ZNF746: variants seen among roughly 807,000 people sequenced by gnomAD.
ZNF746 encodes zinc finger protein 746.
Under a neutral mutation model 41.0 loss-of-function variants are expected in ZNF746, and 13 were observed. That is an observed-to-expected ratio of 0.32 (90% CI 0.21 to 0.50). The LOEUF (loss-of-function observed/expected upper bound fraction) is 0.50. Among genes scored for constraint, ZNF746 ranks in the 20% least tolerant of loss-of-function variants. ZNF746 has a pLI of 0.98. For missense variants in ZNF746, 811 were observed against 922.9 expected (o/e 0.88, Z 1.57); for synonymous variants, 424 against 396.2 (o/e 1.07, Z -0.83).
intron 1 of ZNF746, among the ~76,000 whole-genome samples, chr7:149,495,566 T>C (rs1800968350): frequency 6.6e-6 from 1 of 152,208 alleles, no homozygotes; most frequent in African/African-American, 2.4e-5. Context: ...GAGGAGCTCC[T>C]GGTATCGGGA....
intron 1 of ZNF746, among the ~76,000 whole-genome samples, chr7:149,496,493 GTC>G (rs748570886): frequency 1.3e-5 from 2 of 152,136 alleles, no homozygotes; most frequent in South Asian, 2.1e-4. Context: ...CCCCTTCTTA[GTC>G]TCTCTCTGCA....
intron 3 of ZNF746, among the ~76,000 whole-genome samples, chr7:149,493,502 A>C (rs35019389): frequency 0.35 from 53,148 of 152,112 alleles, 9,690 homozygotes; most frequent in East Asian, 0.5. Flanking sequence ...GGAGAAGAGC[A>C]GTAGCCCCAG....
At chr7:149,496,573 G>A (rs888566054) in intron 1 of ZNF746, among the ~76,000 whole-genome samples, 1 of 152,118 alleles carries the variant, frequency 6.6e-6, no homozygotes, top group African/African-American at 2.4e-5. Flanking sequence ...TTCTGTGCCT[G>A]CACACGCCCT....
chr7:149,472,878 A>G lies in ZNF746; in HGVS notation c.*1506T>C, dbSNP rs181527767. ...TTATATCAATATTAGAAGTGTAAAC[A>G]GGTACAAAATATACAGTACATAGAA... On this transcript the variant is annotated 3_prime_UTR_variant, in exon 7 of 7. Coordinates refer to ENST00000458143, the MANE Select transcript of ZNF746 (RefSeq NM_001394198.1). 211 of 152,768 alleles carry G rather than the reference A, an allele frequency of 1.4e-3. No individual in the cohort carries two copies. Among genetic ancestry groups the G allele is most frequent in the Non-Finnish European group, 5.3e-4 (36 of 68,024 alleles). The allele number at this position is 152,768 out of a possible 1,614,324, so 9.5% of individuals were successfully genotyped here.
chr7:149,475,205 A>G lies in ZNF746; in HGVS notation c.1162T>C (p.Trp388Arg). Residue 388 changes from tryptophan to arginine, a missense_variant, in exon 7 of 7, where the codon TGG becomes CGG. Coordinates refer to ENST00000458143, the MANE Select transcript of ZNF746 (RefSeq NM_001394198.1). ...VAQEETPPGD[W>R]LFGGVRWGWN... Reference sequence around the variant, plus strand: ...CCCCACCGGACCCCTCCGAAGAGCCAGTCCCCAGGAGGGGTCTCCTCCTGG... The same window carrying G: ...CCCCACCGGACCCCTCCGAAGAGCCGGTCCCCAGGAGGGGTCTCCTCCTGG... 1.2e-6 allele frequency: 2 copies of G among 1,612,910 alleles called. No homozygotes were observed. The highest frequency in any genetic ancestry group is 8.5e-7 in the Non-Finnish European group (1 of 1,179,806).
In ZNF746 at chr7:149,477,768, G is replaced by A; in HGVS notation, c.566-13C>T. On this transcript the variant is annotated splice_polypyrimidine_tract_variant and intron_variant, in intron 4 of 6. Coordinates refer to ENST00000458143, the MANE Select transcript of ZNF746 (RefSeq NM_001394198.1). ...GGGGGCCCCGAGCCTAGGAAAGGGA[G>A]TGAGTGTGAGGATACAGCATCACGG... The A allele has an allele frequency of 6.3e-7, 1 of 1,594,760 alleles. No individual in the cohort carries two copies. Among genetic ancestry groups the A allele is most frequent in the Non-Finnish European group, 8.6e-7 (1 of 1,167,634 alleles).
At chr7:149,490,192 T>C (rs1161060248) in intron 4 of ZNF746, 1 of 152,432 alleles carries the variant, frequency 6.6e-6, no homozygotes. Context: ...GCGTTTCTCT[T>C]TTAAAAAACG....
chr7:149,495,798 ACTAT>A (rs1183780904), intron 1 of ZNF746, among the ~76,000 whole-genome samples: 2 of 152,200 alleles, frequency 1.3e-5, no homozygotes, highest in Non-Finnish European at 2.9e-5. Flanking sequence ...TGCTTAAGAT[ACTAT>A]CTATTTGGAA....
At chr7:149,476,418 G>A (rs1228868875) in intron 6 of ZNF746, among the ~76,000 whole-genome samples, 5 of 150,320 alleles carry the variant, frequency 3.3e-5, no homozygotes, top group African/African-American at 9.8e-5. Flanking sequence ...TTGGCTATTA[G>A]CACGTTTTTT....
rs1001160563 is a variant in ZNF746, at chr7:149,477,139, T to TC, written c.758-93dup. 24 of 1,444,660 alleles carry TC rather than the reference T, an allele frequency of 1.7e-5. No individual in the cohort carries two copies. In the Admixed American group the frequency reaches 3.6e-4, roughly 21 times the overall value. 89.5% of individuals were successfully genotyped at this position (1,444,660 alleles called of 1,614,324 possible). A position where few individuals can be genotyped will look rare whatever the true frequency, so the allele number is the denominator to read the frequency against. ...GAGGAGAGCAGGCTAAACTCTGAGG[T>TC]CCCCCCACTGGGGGCTTTTCTGAGT... On this transcript the variant is annotated intron_variant, in intron 5 of 6. Coordinates refer to ENST00000458143, the MANE Select transcript of ZNF746 (RefSeq NM_001394198.1).
At position 149,474,798 on chromosome 7, in the gene ZNF746, G is replaced by C; in HGVS notation, c.1569C>G (p.Gly523=). ...CGCACTCCCCACACCGAAGGGCGCT[G>C]CCATCCCGTGCGCTGCCCCCACCGC... is the stretch of plus-strand genomic sequence containing the variant. The part of the protein sequence containing the change: ...GGSGGGSARD[G]SALRCGECGR... The change falls in exon 7 of 7, where the codon GGC becomes GGG. Residue 523 remains glycine (G), a synonymous_variant. Coordinates refer to ENST00000458143, the MANE Select transcript of ZNF746 (RefSeq NM_001394198.1). This position sits in a 1 kb window ranked among gnomAD's most constrained non-coding sequence, Gnocchi z 6.3. The C allele has an allele frequency of 6.6e-7, 1 of 1,525,160 alleles. No individual in the cohort carries two copies. Among genetic ancestry groups the C allele is most frequent in the Non-Finnish European group, 8.8e-7 (1 of 1,139,780 alleles). 94.5% of individuals were successfully genotyped at this position (1,525,160 alleles called of 1,614,324 possible). A position where few individuals can be genotyped will look rare whatever the true frequency, so the allele number is the denominator to read the frequency against.
intron 4 of ZNF746, among the ~76,000 whole-genome samples, chr7:149,479,027 T>C (rs540337221): frequency 6.6e-6 from 1 of 152,200 alleles, no homozygotes; most frequent in African/African-American, 2.4e-5. Context: ...TTAAGAGACC[T>C]GGAGGACAGA....
chr7:149,483,169 A>G (rs1263070463), intron 4 of ZNF746, among the ~76,000 whole-genome samples: 5 of 152,360 alleles, frequency 3.3e-5, no homozygotes, highest in South Asian at 2.1e-4. Flanking sequence ...CGCTTTCTAA[A>G]TAATCTGAGT....
rs549494490 is a variant in ZNF746, at chr7:149,482,531, C to T, written c.566-4776G>A. On this transcript the variant is annotated intron_variant, in intron 4 of 6. Transcript: ENST00000458143. ...ACTGGCTGGAGTGCAATGGTGCAAT[C>T]TCGGCTCACTACAACCTCCACTTGC... Among the ~76,000 whole-genome samples the T allele has an allele frequency of 1.3e-4, 19 of 148,612 alleles. No homozygotes were observed. In the South Asian group the frequency reaches 3.8e-3, roughly 30 times the overall value.
chr7:149,477,843 G>A (rs1448628132), intron 4 of ZNF746, 88 bp from the exon 5 acceptor site: 10 of 1,192,292 alleles, frequency 8.4e-6, no homozygotes, highest in Non-Finnish European at 7.9e-6. Context: ...ATAGACACAG[G>A]GGCCTTACAA....
At position 149,474,078 on chromosome 7, in the gene ZNF746, C is replaced by T. The variant is rs1800191727; in HGVS notation, c.*306G>A. 2 of 411,864 alleles carry T rather than the reference C, an allele frequency of 4.9e-6. No homozygotes were observed. The highest frequency in any genetic ancestry group is 2.5e-5 in the South Asian group (1 of 40,766). 25.5% of individuals were successfully genotyped at this position (411,864 alleles called of 1,614,324 possible). A position where few individuals can be genotyped will look rare whatever the true frequency, so the allele number is the denominator to read the frequency against. Reference sequence around the variant, plus strand: ...AAAGTACCTACAAAATTTAAATAGCCCTATTACTATTTTCCAGCTTTTTCC... The same window carrying T: ...AAAGTACCTACAAAATTTAAATAGCTCTATTACTATTTTCCAGCTTTTTCC... On this transcript the variant is annotated 3_prime_UTR_variant, in exon 7 of 7. Coordinates refer to ENST00000458143, the MANE Select transcript of ZNF746 (RefSeq NM_001394198.1). The surrounding 1 kb of genome is among the most constrained non-coding windows in gnomAD (Gnocchi z 6.3).
At chr7:149,482,368 A>G (rs1179210550) in intron 4 of ZNF746, among the ~76,000 whole-genome samples, 2 of 152,278 alleles carry the variant, frequency 1.3e-5, no homozygotes, top group Non-Finnish European at 2.9e-5. Context: ...TAGCTATACC[A>G]TATCACATGA....
rs571974126 is a variant in ZNF746, at chr7:149,474,792, G to A, written c.1575C>T (p.Ala525=). Residue 525 remains alanine (A), a synonymous_variant, in exon 7 of 7, where the codon GCC becomes GCT. Coordinates refer to ENST00000458143, the MANE Select transcript of ZNF746 (RefSeq NM_001394198.1). This position sits in a 1 kb window ranked among gnomAD's most constrained non-coding sequence, Gnocchi z 6.3. ...AACGGCCGCACTCCCCACACCGAAG[G>A]GCGCTGCCATCCCGTGCGCTGCCCC... The part of the protein sequence containing the change: ...SGGGSARDGS[A]LRCGECGRCF... 5 of 1,539,000 alleles carry A rather than the reference G, an allele frequency of 3.2e-6. No individual in the cohort carries two copies. The highest frequency in any genetic ancestry group is 1.2e-5 in the South Asian group (1 of 83,994).
intron 3 of ZNF746, among the ~76,000 whole-genome samples, chr7:149,493,659 C>CA (rs1283411237): frequency 6.6e-6 from 1 of 152,210 alleles, no homozygotes; most frequent in Non-Finnish European, 1.5e-5. Flanking sequence ...GAGTCTTTCT[C>CA]AAATGTGAGT....
Sources: gnomAD v4.1 joint callset for allele counts (sites outside exome capture counted in the v4.1 genomes callset) on GRCh38, gnomAD v4.1.1 for gene constraint, Gnocchi (gnomAD v3.1) non-coding constraint, MANE v1.5 for transcripts, NCBI Gene and HGNC (gene_info 2026-07-23, HGNC 2026-07-21) for gene names.